Variants in TRPM3 observed in about 807,000 individuals in gnomAD.
TRPM3 encodes the protein long transient receptor potential channel 3.
In TRPM3, 77 loss-of-function variants were observed where a neutral mutation model predicts 181.2. The observed-to-expected ratio is 0.42, with a 90% CI of 0.35 to 0.51. TRPM3 has a LOEUF of 0.51. Among genes scored for constraint, TRPM3 ranks in the 20% least tolerant of loss-of-function variants. The probability of loss-of-function intolerance (pLI) is 0.01; values close to 1 mark genes in which losing one functional copy is unlikely to be tolerated. For missense variants in TRPM3, 1,759 were observed against 2,196.7 expected (o/e 0.80, Z 3.98); for synonymous variants, 745 against 796.4 (o/e 0.94, Z 1.09).
chr9:71,180,156 G>T (rs1003465918), intron 1 of TRPM3, among the ~76,000 whole-genome samples: 1 of 148,254 alleles, frequency 6.7e-6, no homozygotes, highest in East Asian at 2.0e-4. Context: ...CCGGGTTCAA[G>T]TGATTCTCCT....
intron 9 of TRPM3, among the ~76,000 whole-genome samples, chr9:70,663,402 A>G (rs908448375): frequency 6.6e-6 from 1 of 152,216 alleles, no homozygotes; most frequent in African/African-American, 2.4e-5. Context: ...AAAATTAATT[A>G]AAAAATAACT....
intron 1 of TRPM3, among the ~76,000 whole-genome samples, chr9:70,951,365 G>A (rs2096997299): frequency 6.6e-6 from 1 of 152,098 alleles, no homozygotes; most frequent in African/African-American, 2.4e-5. Flanking sequence ...TTTTTGAGAT[G>A]AAGTATTGCT....
At chr9:71,328,112 G>A (rs1453512406) in intron 1 of TRPM3, among the ~76,000 whole-genome samples, 2 of 150,922 alleles carry the variant, frequency 1.3e-5, no homozygotes, top group Non-Finnish European at 3.0e-5. Flanking sequence ...CAAGAGTGAA[G>A]AAGCCAAAGG....
chr9:70,837,868 T>TAGAAAA (rs1291786540), intron 5 of TRPM3, among the ~76,000 whole-genome samples: 3 of 152,152 alleles, frequency 2.0e-5, no homozygotes, highest in African/African-American at 7.2e-5. Flanking sequence ...CACTGAATAT[T>TAGAAAA]TTCTTACATC....
chr9:71,446,195 G>A lies in TRPM3; in HGVS notation c.183+458C>T, dbSNP rs147562958. Among the ~76,000 whole-genome samples, 594 of 152,246 alleles carry A rather than the reference G, an allele frequency of 3.9e-3. 2 individuals are homozygous for A. The highest frequency in any genetic ancestry group is 0.014 in the African/African-American group (573 of 41,514). ...TAAACGCTCCCATTAAAATGGTGGG[G>A]GTGTGGGATGGAAAGAGCAAGTGCT... On this transcript the variant is annotated intron_variant, in intron 1 of 24. Coordinates refer to the TRPM3 transcript ENST00000357533.
chr9:71,036,496 C>T lies in TRPM3; in HGVS notation c.177+84682G>A, dbSNP rs186632673. On this transcript the variant is annotated intron_variant, in intron 1 of 25. Transcript: ENST00000677713. ...CACTGCCTTCTGGTTTTGCCACAGACCCCGGTTCATTTCATTACCCATTTT... is the reference window on the plus strand; with the variant it reads ...CACTGCCTTCTGGTTTTGCCACAGATCCCGGTTCATTTCATTACCCATTTT... 7.2e-5 allele frequency among the ~76,000 whole-genome samples: 11 copies of T among 152,304 alleles called. No homozygotes were observed. The East Asian group carries it at 2.1e-3, about 29-fold the overall frequency.
chr9:71,298,325 CTTA>C (rs929747991), intron 1 of TRPM3, among the ~76,000 whole-genome samples: 1 of 152,024 alleles, frequency 6.6e-6, no homozygotes, highest in African/African-American at 2.4e-5. Flanking sequence ...CCAACATTTC[CTTA>C]TTATGAAGAT....
chr9:70,651,582 T>C (rs967226084), intron 9 of TRPM3, among the ~76,000 whole-genome samples: 1 of 152,190 alleles, frequency 6.6e-6, no homozygotes, highest in African/African-American at 2.4e-5. Context: ...CTTTGCATCT[T>C]GGGGTGTCAC....
chr9:71,352,763 C>G (rs1041785854), intron 1 of TRPM3, among the ~76,000 whole-genome samples: 1 of 152,122 alleles, frequency 6.6e-6, no homozygotes, highest in African/African-American at 2.4e-5. Flanking sequence ...CCAGATTTTC[C>G]CAGAATTTCT....
chr9:71,017,893 A>G (rs958700407), intron 1 of TRPM3, among the ~76,000 whole-genome samples: 2 of 151,882 alleles, frequency 1.3e-5, no homozygotes, highest in African/African-American at 4.8e-5. Flanking sequence ...CTTTCCAAGT[A>G]AAAAATAATA....
intron 6 of TRPM3, among the ~76,000 whole-genome samples, chr9:70,789,376 C>G (rs2084780086): frequency 6.6e-6 from 1 of 152,088 alleles, no homozygotes. Flanking sequence ...TCTCGCTCAG[C>G]TAAACCTACT....
intron 1 of TRPM3, among the ~76,000 whole-genome samples, chr9:71,144,843 C>T (rs1374394677): frequency 6.6e-6 from 1 of 152,034 alleles, no homozygotes; most frequent in East Asian, 1.9e-4. Context: ...AAAAAATGAA[C>T]AGCATTGGTG....
intron 1 of TRPM3, among the ~76,000 whole-genome samples, chr9:71,006,033 G>T (rs1046856095): frequency 6.6e-6 from 1 of 152,156 alleles, no homozygotes; most frequent in Non-Finnish European, 1.5e-5. Context: ...AAAATGTGAG[G>T]AGGGGACGTG....
intron 1 of TRPM3, among the ~76,000 whole-genome samples, chr9:71,202,169 T>C (rs1379004035): frequency 6.6e-6 from 1 of 152,210 alleles, no homozygotes. Context: ...CAAATGCTGC[T>C]GTCTGATCAT....
chr9:71,182,135 T>C (rs183464703), intron 1 of TRPM3, among the ~76,000 whole-genome samples: 94 of 152,292 alleles, frequency 6.2e-4, no homozygotes, highest in African/African-American at 2.2e-3. Context: ...ACAAAAGCAC[T>C]TTATGTGCTA....
intron 1 of TRPM3, among the ~76,000 whole-genome samples, chr9:71,420,879 GAGGGAGAGAAAA>G (rs1191348144): frequency 7.6e-4 from 7 of 9,164 alleles, no homozygotes; most frequent in Admixed American, 1.6e-3. Context: ...GAGAGAAAAG[GAGGGAGAGAAAA>G]AGGGAGAGAA....
rs1350061025 is a variant in TRPM3 at position 70,536,363 on chromosome 9, G to C, written c.4750C>G (p.Leu1584Val). The C allele has an allele frequency of 5.0e-6, 8 of 1,613,938 alleles. No homozygotes were observed. The highest frequency in any genetic ancestry group is 3.3e-5 in the South Asian group (3 of 91,072). The change falls in exon 26 of 26, where the codon CTT becomes GTT. Residue 1584 changes from leucine to valine, a missense_variant. Physicochemically the swap from Leu to Val is conservative, Grantham distance 32. Transcript: ENST00000677713. ...GTTAAGTCCTCCACTTTGTCTCCAAGACCTCCAGGGAAGGCAGCTCTGTCC... is the reference window on the plus strand; with the variant it reads ...GTTAAGTCCTCCACTTTGTCTCCAACACCTCCAGGGAAGGCAGCTCTGTCC... ...IADRAAFPGG[L>V]GDKVEDLTCC... is the part of the protein sequence containing the mutation.
intron 6 of TRPM3, among the ~76,000 whole-genome samples, chr9:70,785,592 T>C (rs2083432706): frequency 6.6e-6 from 1 of 152,186 alleles, no homozygotes; most frequent in African/African-American, 2.4e-5. Context: ...AGTTCTCCCT[T>C]TTACTTCTTT....
intron 1 of TRPM3, among the ~76,000 whole-genome samples, chr9:71,032,792 C>T (rs1800688908): frequency 6.6e-6 from 1 of 152,150 alleles, no homozygotes; most frequent in African/African-American, 2.4e-5. Context: ...AACAAATATT[C>T]ATTAACTGAA....
Sources: allele counts gnomAD v4.1 joint callset (sites outside exome capture counted in the v4.1 genomes callset), GRCh38; gene constraint gnomAD v4.1.1; transcripts MANE v1.5; gene names NCBI Gene and HGNC (gene_info 2026-07-23, HGNC 2026-07-21).